Variants in MCRIP1 observed in about 807,000 individuals in gnomAD.
The protein encoded by MCRIP1 is mapk-regulated corepressor-interacting protein 1.
In MCRIP1, 10 loss-of-function variants were observed where a neutral mutation model predicts 14.4. That is an observed-to-expected ratio of 0.70 (90% CI 0.43 to 1.18). MCRIP1 has a LOEUF of 1.18. Ranked by LOEUF, MCRIP1 falls within the 50% of genes most tolerant of loss-of-function variation. The pLI, the probability that MCRIP1 is intolerant of heterozygous loss-of-function variation, is 0.00. For synonymous variants in MCRIP1, 53 were observed against 55.7 expected (o/e 0.95, Z 0.21); for missense variants, 119 against 135.4 (o/e 0.88, Z 0.60).
intron 1 of MCRIP1, among the ~76,000 whole-genome samples, chr17:81,830,428 G>T (rs2062068826): frequency 1.3e-5 from 2 of 152,066 alleles, no homozygotes; most frequent in African/African-American, 4.8e-5. Context: ...CCTAAGGTCA[G>T]GAGTTCGAGA....
At chr17:81,824,104 C>T (rs1330228977) in intron 3 of MCRIP1, among the ~76,000 whole-genome samples, 183 bp downstream of exon 3, 2 of 152,214 alleles carry the variant, frequency 1.3e-5, no homozygotes, top group Non-Finnish European at 2.9e-5. Context: ...TACACAAGGT[C>T]CCCTCGGCCA....
At chr17:81,828,841 C>A (rs1190867094) in intron 1 of MCRIP1, among the ~76,000 whole-genome samples, 1 of 152,192 alleles carries the variant, frequency 6.6e-6, no homozygotes, top group East Asian at 1.9e-4. Context: ...AGCTCTGAAC[C>A]AAGAGGTCAC....
rs540236304 is a variant in MCRIP1 at position 81,832,795 on chromosome 17, G to A, written c.-49+443C>T. Among the ~76,000 whole-genome samples, 5 of 152,388 alleles carry A rather than the reference G, an allele frequency of 3.3e-5. No homozygotes were observed. In the East Asian group the frequency reaches 9.6e-4, roughly 29 times the overall value. Reference sequence around the variant, plus strand: ...GGAAAGAGGGCAAGGCCGAAAAATGGACAGAAAAAGAATGCGGACGGCCGG... The same window carrying A: ...GGAAAGAGGGCAAGGCCGAAAAATGAACAGAAAAAGAATGCGGACGGCCGG... On this transcript the variant is annotated intron_variant, in intron 1 of 4. Transcript: ENST00000455127.
At chr17:81,831,639 GGACCAGAAAGATACC>G (rs1310931916) in intron 1 of MCRIP1, among the ~76,000 whole-genome samples, 41 of 152,228 alleles carry the variant, frequency 2.7e-4, no homozygotes, top group African/African-American at 9.9e-4. Context: ...CCCCACAGCT[GGACCAGAAAGATACC>G]CTGAGAACTT....
At chr17:81,831,156 A>G (rs1297260193) in intron 1 of MCRIP1, among the ~76,000 whole-genome samples, 2 of 141,430 alleles carry the variant, frequency 1.4e-5, no homozygotes, top group East Asian at 4.0e-4. Flanking sequence ...TGGGCAACAG[A>G]GCAAGACTCT....
intron 1 of MCRIP1, 97 bp from the exon 2 acceptor site, chr17:81,824,651 A>T: frequency 1.3e-6 from 2 of 1,520,490 alleles, no homozygotes; most frequent in Non-Finnish European, 1.8e-6. Flanking sequence ...CTCCCTTCAG[A>T]TGTGAACAAA....
At chr17:81,826,597 A>C (rs886363692) in intron 1 of MCRIP1, 2 of 558,238 alleles carry the variant, frequency 3.6e-6, no homozygotes, top group Non-Finnish European at 6.3e-6. Flanking sequence ...AGGCGGGTGG[A>C]TCAGCTGAGG....
intron 1 of MCRIP1, 104 bp from the exon 2 acceptor site, chr17:81,824,658 C>T (rs981217178): frequency 6.6e-7 from 1 of 1,514,078 alleles, no homozygotes; most frequent in Non-Finnish European, 8.8e-7. Context: ...CAGATGTGAA[C>T]AAAGTGCATG....
intron 1 of MCRIP1, among the ~76,000 whole-genome samples, chr17:81,830,285 T>A (rs1046439800): frequency 1.2e-4 from 19 of 152,176 alleles, no homozygotes; most frequent in Non-Finnish European, 7.3e-5. Context: ...CCTTATCCAA[T>A]ACGATGATGG....
rs147884328 is a variant in MCRIP1 at position 81,825,297 on chromosome 17, T to C, written c.-48-743A>G. 5.8e-5 allele frequency: 65 copies of C among 1,112,180 alleles called. No homozygotes were observed. In the African/African-American group the frequency reaches 1.0e-3, roughly 17 times the overall value. 68.9% of individuals were successfully genotyped at this position (1,112,180 alleles called of 1,614,324 possible). A position where few individuals can be genotyped will look rare whatever the true frequency, so the allele number is the denominator to read the frequency against. ...ACGGCTCTGGAAAAATGGAGTCTAT[T>C]TTGAGGCTCAGACGCTCACACTGGC... On this transcript the variant is annotated intron_variant, in intron 1 of 4. Coordinates refer to ENST00000455127, the MANE Select transcript of MCRIP1 (RefSeq NM_207368.5).
chr17:81,825,899 ACATGCTGCCTGCTGGGAAGCTCC>A, intron 1 of MCRIP1: 1 of 1,292,070 alleles, frequency 7.7e-7, no homozygotes, highest in African/African-American at 1.5e-5. Flanking sequence ...TCCCACAGGG[ACATGCTGCCTGCTGGGAAGCTCC>A]CGTTACAGAG....
chr17:81,824,933 A>G (rs2143211947), intron 1 of MCRIP1: 1 of 1,135,786 alleles, frequency 8.8e-7, no homozygotes, highest in Non-Finnish European at 1.1e-6. Context: ...TCTGATGTCC[A>G]GCTGCCTCTC....
rs145535411 is a variant in MCRIP1 at position 81,826,680 on chromosome 17, G to A, written c.-48-2126C>T. 8.1e-3 allele frequency: 3,106 copies of A among 384,098 alleles called. 69 individuals are homozygous for A. The highest frequency in any genetic ancestry group is 0.056 in the African/African-American group (2,598 of 46,514). 23.8% of individuals were successfully genotyped at this position (384,098 alleles called of 1,614,324 possible). A position where few individuals can be genotyped will look rare whatever the true frequency, so the allele number is the denominator to read the frequency against. ...ACTAAAAATACAAAATTAGTTGGGCGTGGTGGCAGGCACCCGTAATCCCAG... is the reference window on the plus strand; with the variant it reads ...ACTAAAAATACAAAATTAGTTGGGCATGGTGGCAGGCACCCGTAATCCCAG... On this transcript the variant is annotated intron_variant, in intron 1 of 4. Transcript: ENST00000455127.
chr17:81,832,021 C>G (rs1278168693), intron 1 of MCRIP1, among the ~76,000 whole-genome samples: 1 of 152,150 alleles, frequency 6.6e-6, no homozygotes, highest in Non-Finnish European at 1.5e-5. Flanking sequence ...AATTCTTTCC[C>G]CCACACAGCC....
chr17:81,829,152 C>T (rs746723959), intron 1 of MCRIP1, among the ~76,000 whole-genome samples: 11 of 152,218 alleles, frequency 7.2e-5, no homozygotes, highest in South Asian at 4.1e-4. Context: ...ACCCAGCACA[C>T]GGCAGACGGC....
chr17:81,826,184 T>C, intron 1 of MCRIP1: 1 of 1,505,886 alleles, frequency 6.6e-7, no homozygotes, highest in South Asian at 1.3e-5. Flanking sequence ...CCCCACATCC[T>C]CCCAAGCAAC....
At chr17:81,826,225 G>GCACA (rs537758024) in intron 1 of MCRIP1, 149 of 1,381,116 alleles carry the variant, frequency 1.1e-4, no homozygotes, top group African/African-American at 4.0e-4. Context: ...TGCCTTGTGT[G>GCACA]CACACACACA....
intron 1 of MCRIP1, chr17:81,825,471 G>C (rs892818634): frequency 5.0e-6 from 6 of 1,199,618 alleles, no homozygotes; most frequent in Non-Finnish European, 6.3e-6. Context: ...AGGGGGCTTT[G>C]AGCACAAGCA....
intron 1 of MCRIP1, chr17:81,825,419 C>T: frequency 8.4e-7 from 1 of 1,190,982 alleles, no homozygotes; most frequent in East Asian, 5.8e-5. Context: ...CCAGAGGGGG[C>T]AACTCCAGGT....
Sources: gnomAD v4.1 joint callset for allele counts (sites outside exome capture counted in the v4.1 genomes callset) on GRCh38, gnomAD v4.1.1 for gene constraint, MANE v1.5 for transcripts, NCBI Gene and HGNC (gene_info 2026-07-23, HGNC 2026-07-21) for gene names.